The following MIOS variants were observed in gnomAD, a reference collection of about 807,000 sequenced individuals.
MIOS encodes the protein GATOR2 complex protein MIOS.
In MIOS, 52 loss-of-function variants were observed where a neutral mutation model predicts 96.9. The observed-to-expected ratio is 0.54, with a 90% CI of 0.43 to 0.68. The LOEUF is 0.68. Among genes scored for constraint, MIOS ranks in the 30% least tolerant of loss-of-function variants. The pLI, the probability that MIOS is intolerant of heterozygous loss-of-function variation, is 0.00. For synonymous variants in MIOS, 397 were observed against 359.5 expected, an observed-to-expected ratio of 1.10 and a Z score of -1.18; for missense variants, 1,005 against 1,052.8, an observed-to-expected ratio of 0.95 and a Z score of 0.63.
intron 11 of MIOS, among the ~76,000 whole-genome samples, chr7:7,603,205 A>C (rs1321356822): frequency 2.0e-5 from 3 of 152,052 alleles, no homozygotes; most frequent in African/African-American, 4.8e-5. Flanking sequence ...AAAAGCCAAA[A>C]TTGACAAATG....
At position 7,595,111 on chromosome 7, in the gene MIOS, C is replaced by T. The variant is rs761016313; in HGVS notation, c.2175C>T (p.Pro725=). The change falls in exon 10 of 13, where the codon CCC becomes CCT. Residue 725 remains proline, a synonymous_variant. Transcript: ENST00000340080. ...ATATTCACAGGAGTAAGTTGGATCCCAGTTCCAAGCCTTTAGCACAAGTAA... is the reference window on the plus strand; with the variant it reads ...ATATTCACAGGAGTAAGTTGGATCCTAGTTCCAAGCCTTTAGCACAAGTAA... The part of the protein sequence containing the change: ...EFDIHRSKLD[P]SSKPLAQVFV... 1 of 1,613,192 alleles carries T rather than the reference C, an allele frequency of 6.2e-7. No individual in the cohort carries two copies. The highest frequency in any genetic ancestry group is 2.2e-5 in the East Asian group (1 of 44,840).
chr7:7,583,311 G>A lies in MIOS; in HGVS notation c.1587G>A (p.Leu529=). Residue 529 remains leucine, a synonymous_variant, in exon 6 of 13, where the codon TTG becomes TTA. Coordinates refer to ENST00000340080, the MANE Select transcript of MIOS (RefSeq NM_019005.4). ...GGGAAAGAGCTGCTGCTGTGGCATT[G>A]TTCAACTTGGATATTCGCCGAGCAA... ...GEWERAAAVA[L]FNLDIRRAIQ... is the part of the protein sequence containing the mutation. 6.2e-7 allele frequency: 1 copy of A among 1,613,956 alleles called. No individual in the cohort carries two copies. Among genetic ancestry groups the A allele is most frequent in the Non-Finnish European group, 8.5e-7 (1 of 1,179,892 alleles).
intron 7 of MIOS, among the ~76,000 whole-genome samples, chr7:7,587,523 C>A (rs1783926777): frequency 6.6e-6 from 1 of 152,112 alleles, no homozygotes; most frequent in South Asian, 2.1e-4. Context: ...ACAGGCCTGA[C>A]TCCTTGCTCT....
At chr7:7,576,549 A>G (rs1462301835) in intron 5 of MIOS, among the ~76,000 whole-genome samples, 2 of 152,214 alleles carry the variant, frequency 1.3e-5, no homozygotes, top group Admixed American at 6.5e-5. Context: ...AGCATAGCAC[A>G]TTATTATGGC....
chr7:7,573,341 A>T lies in MIOS; in HGVS notation c.866A>T (p.Asp289Val). The T allele has an allele frequency of 6.2e-7, 1 of 1,614,110 alleles. No individual in the cohort carries two copies. The highest frequency in any genetic ancestry group is 8.5e-7 in the Non-Finnish European group (1 of 1,179,960). Residue 289 changes from aspartate to valine, a missense_variant, in exon 4 of 13, where the codon GAT (aspartate) becomes GTT (valine). Physicochemically the swap from Asp to Val is radical, Grantham distance 152. Transcript: ENST00000340080. This position sits in a 1 kb window ranked among gnomAD's most constrained non-coding sequence, Gnocchi z 5.0. ...RTGLLATLTR[D>V]SNIIRLYDMQ... Reference sequence around the variant, plus strand: ...GGTCTACTTGCCACTTTAACAAGGGATAGTAATATTATTAGATTGTATGAT... The same window carrying T: ...GGTCTACTTGCCACTTTAACAAGGGTTAGTAATATTATTAGATTGTATGAT...
Position 7,573,195 on chromosome 7 carries a change from T to C in MIOS, c.720T>C (p.Val240=). ...TAGACCCATATTTCCACGATCGTGT[T>C]GCTTCCTTCTATGAAGGTCAGGTTG... ...VTVDPYFHDR[V]ASFYEGQVAI... The change falls in exon 4 of 13, where the codon GTT becomes GTC. Residue 240 remains valine, a synonymous_variant. Transcript: ENST00000340080. This position sits in a 1 kb window ranked among gnomAD's most constrained non-coding sequence, Gnocchi z 5.0. The C allele has an allele frequency of 6.2e-7, 1 of 1,614,108 alleles. No homozygotes were observed.
In MIOS at chr7:7,573,263, T is replaced by G. The variant is rs776872908; in HGVS notation, c.788T>G (p.Leu263Trp). ...AAATTTGAGAAGCCAGTTTTGACAT[T>G]GACTGAGCAACCAAAACCCTTAACA... Reference protein sequence around the residue: ...LRKFEKPVLTLTEQPKPLTKV... With the variant: ...LRKFEKPVLTWTEQPKPLTKV... The change falls in exon 4 of 13, where the codon TTG becomes TGG. Residue 263 changes from leucine (L) to tryptophan (W), a missense_variant. Leu to Trp is a moderately conservative substitution (Grantham distance 61). Around this residue, in one of 3 missense-constraint regions of MIOS, gnomAD observed 865 missense variants for 887.9 expected, o/e 0.97. Coordinates refer to ENST00000340080, the MANE Select transcript of MIOS (RefSeq NM_019005.4). The surrounding 1 kb of genome is among the most constrained non-coding windows in gnomAD (Gnocchi z 5.0). 1 of 1,614,064 alleles carries G rather than the reference T, an allele frequency of 6.2e-7. No individual in the cohort carries two copies. The highest frequency in any genetic ancestry group is 2.2e-5 in the East Asian group (1 of 44,892).
intron 9 of MIOS, among the ~76,000 whole-genome samples, chr7:7,589,999 A>G (rs1052366087): frequency 5.3e-5 from 8 of 152,174 alleles, no homozygotes; most frequent in Non-Finnish European, 8.8e-5. Flanking sequence ...GGGGTAACCA[A>G]TTTATCCATA....
chr7:7,570,988 A>G (rs1783333006), intron 3 of MIOS, among the ~76,000 whole-genome samples: 1 of 152,196 alleles, frequency 6.6e-6, no homozygotes, highest in Non-Finnish European at 1.5e-5. Flanking sequence ...AAACTTTTGC[A>G]AGATCAAAAA....
At chr7:7,586,176 GT>G (rs1783881553) in intron 7 of MIOS, among the ~76,000 whole-genome samples, 1 of 146,494 alleles carries the variant, frequency 6.8e-6, no homozygotes, top group African/African-American at 2.5e-5. Context: ...GTGTGTGTGT[GT>G]GTGTGTGTGT....
intron 11 of MIOS, among the ~76,000 whole-genome samples, chr7:7,602,748 G>A (rs976468376): frequency 4.6e-5 from 7 of 152,044 alleles, no homozygotes; most frequent in African/African-American, 1.7e-4. Context: ...CCAAAAAAGA[G>A]CCCGCATTGC....
chr7:7,587,803 G>A (rs1783936518), intron 7 of MIOS, among the ~76,000 whole-genome samples: 1 of 152,036 alleles, frequency 6.6e-6, no homozygotes. Context: ...TGACTTCAGT[G>A]GAAATTGGAT....
intron 11 of MIOS, among the ~76,000 whole-genome samples, chr7:7,602,123 A>G (rs575007936): frequency 9.8e-5 from 15 of 152,344 alleles, no homozygotes; most frequent in Non-Finnish European, 1.6e-4. Flanking sequence ...ATCATACTGA[A>G]TGGACAAAAA....
chr7:7,568,207 AAACATT>A (rs1057059528), intron 3 of MIOS, 84 bp downstream of exon 3: 1 of 152,222 alleles, frequency 6.6e-6, no homozygotes, highest in African/African-American at 2.4e-5. Flanking sequence ...AATTTGGAAA[AAACATT>A]AACTTTCAGG....
chr7:7,580,548 G>A (rs978487195), intron 5 of MIOS, among the ~76,000 whole-genome samples: 1 of 152,054 alleles, frequency 6.6e-6, no homozygotes, highest in Non-Finnish European at 1.5e-5. Flanking sequence ...TTTTCATAAA[G>A]CAATCGGATA....
intron 9 of MIOS, among the ~76,000 whole-genome samples, chr7:7,590,372 G>T (rs940566922): frequency 1.3e-5 from 2 of 152,158 alleles, no homozygotes; most frequent in Non-Finnish European, 2.9e-5. Flanking sequence ...TTTTCTTGTT[G>T]AGATAAAATT....
intron 11 of MIOS, among the ~76,000 whole-genome samples, chr7:7,603,899 C>A (rs1042165863): frequency 1.3e-5 from 2 of 152,034 alleles, no homozygotes; most frequent in Admixed American, 6.6e-5. Context: ...ATGATGAGTT[C>A]ATGTCCTTTG....
chr7:7,582,422 G>T (rs1022036779), intron 5 of MIOS, among the ~76,000 whole-genome samples: 1 of 152,146 alleles, frequency 6.6e-6, no homozygotes, highest in Non-Finnish European at 1.5e-5. Flanking sequence ...AAATTACCAT[G>T]TCATTAGGAT....
intron 3 of MIOS, among the ~76,000 whole-genome samples, chr7:7,569,780 G>T (rs1371799813): frequency 1.3e-5 from 2 of 152,168 alleles, no homozygotes; most frequent in East Asian, 3.8e-4. Flanking sequence ...GGTGGTTGAC[G>T]TCAAGGTTGA....
Sources: gnomAD v4.1 joint callset for allele counts (sites outside exome capture counted in the v4.1 genomes callset) on GRCh38, gnomAD v4.1.1 for gene constraint, gnomAD v4.1.1 regional missense constraint, Gnocchi (gnomAD v3.1) non-coding constraint, MANE v1.5 for transcripts, NCBI Gene and HGNC (gene_info 2026-07-23, HGNC 2026-07-21) for gene names.